LRRC37A2: variants seen among roughly 807,000 people sequenced by gnomAD.
LRRC37A2 encodes leucine rich repeat containing 37 member A2.
LRRC37A2 carries 9 observed loss-of-function variants against 68.8 expected under a neutral mutation model. The observed-to-expected ratio is 0.13, with a 90% CI of 0.08 to 0.23. The LOEUF (loss-of-function observed/expected upper bound fraction) is 0.23. Ranked by LOEUF, LRRC37A2 falls within the 10% of genes least tolerant of loss-of-function variation. The pLI, the probability that LRRC37A2 is intolerant of heterozygous loss-of-function variation, is 1.00. For missense variants in LRRC37A2, 168 were observed against 950.4 expected, an observed-to-expected ratio of 0.18 and a Z score of 10.82; for synonymous variants, 63 against 367.6, an observed-to-expected ratio of 0.17 and a Z score of 9.48.
chr17:47,015,328 A>G, the LRRC37A2 span, among the ~76,000 whole-genome samples: 1 of 152,156 alleles, frequency 6.6e-6, no homozygotes, highest in Non-Finnish European at 1.5e-5. Context: ...TCTTTTACAC[A>G]GTATTTTAAC....
chr17:46,773,675 G>C, the LRRC37A2 span: 2 of 1,583,264 alleles, frequency 1.3e-6, no homozygotes, highest in African/African-American at 2.9e-5. Flanking sequence ...TACCTTTGTC[G>C]AGGACGGGCC....
the LRRC37A2 span, chr17:46,728,940 A>G: frequency 3.9e-6 from 6 of 1,525,104 alleles, no homozygotes; most frequent in Non-Finnish European, 5.4e-6. Context: ...CTCAGGTAAA[A>G]TAATACTACT....
chr17:46,742,013 C>G, the LRRC37A2 span, among the ~76,000 whole-genome samples: 1 of 152,162 alleles, frequency 6.6e-6, no homozygotes, highest in South Asian at 2.1e-4. Flanking sequence ...CTCGGCCTCC[C>G]AAAGTGTTGA....
chr17:46,815,717 A>ACAG, the LRRC37A2 span, among the ~76,000 whole-genome samples: 1 of 152,168 alleles, frequency 6.6e-6, no homozygotes, highest in African/African-American at 2.4e-5. Flanking sequence ...GCCTGGACAG[A>ACAG]CAGGACAAGC....
the LRRC37A2 span, chr17:47,021,694 A>T: frequency 1.4e-6 from 1 of 723,744 alleles, no homozygotes; most frequent in Non-Finnish European, 2.3e-6. Context: ...TTTCTTGATG[A>T]ATTGTGCAAA....
the LRRC37A2 span, chr17:46,756,667 C>G: frequency 6.6e-6 from 1 of 152,618 alleles, no homozygotes; most frequent in Non-Finnish European, 1.5e-5. Context: ...GGGTCAATTC[C>G]TTAGTATAAT....
chr17:46,863,844 G>A, the LRRC37A2 span, among the ~76,000 whole-genome samples: 4 of 152,228 alleles, frequency 2.6e-5, no homozygotes, highest in African/African-American at 4.8e-5. Context: ...CAAGGGAGCC[G>A]CTCACAACTA....
At chr17:46,601,802 T>G in the LRRC37A2 span, among the ~76,000 whole-genome samples, 1 of 151,308 alleles carries the variant, frequency 6.6e-6, no homozygotes, top group South Asian at 2.1e-4. Context: ...GGGCGTACTT[T>G]CATTACCTTT....
At chr17:46,599,016 T>C in the LRRC37A2 span, among the ~76,000 whole-genome samples, 3 of 100,312 alleles carry the variant, frequency 3.0e-5, no homozygotes, top group African/African-American at 4.3e-5. Flanking sequence ...CTTTAAAGCA[T>C]CATTAGATAG....
the LRRC37A2 span, among the ~76,000 whole-genome samples, chr17:46,988,499 T>A: frequency 1.9e-3 from 284 of 152,328 alleles, 5 homozygotes; most frequent in East Asian, 0.036. Flanking sequence ...GTCATTTTTT[T>A]AAAAAGGCAA....
the LRRC37A2 span, among the ~76,000 whole-genome samples, chr17:46,959,655 C>T: frequency 6.6e-6 from 1 of 152,182 alleles, no homozygotes; most frequent in Admixed American, 6.5e-5. Context: ...GGATAGCAGT[C>T]CCCTTATGCT....
chr17:46,825,564 G>C, the LRRC37A2 span, among the ~76,000 whole-genome samples: 1 of 152,216 alleles, frequency 6.6e-6, no homozygotes, highest in African/African-American at 2.4e-5. Flanking sequence ...AATTTCACCT[G>C]GTCCATTTCT....
the LRRC37A2 span, among the ~76,000 whole-genome samples, chr17:46,813,749 G>A: frequency 6.6e-6 from 1 of 152,060 alleles, no homozygotes; most frequent in African/African-American, 2.4e-5. Context: ...CTGGCTCCTT[G>A]TCTCCTGCCC....
chr17:46,822,021 C>A, the LRRC37A2 span, among the ~76,000 whole-genome samples: 2 of 152,196 alleles, frequency 1.3e-5, no homozygotes, highest in East Asian at 1.9e-4. Flanking sequence ...AGGCGGGAGT[C>A]GGGAGCCGGA....
At chr17:46,496,701 G>A in the LRRC37A2 span, among the ~76,000 whole-genome samples, 1 of 134,458 alleles carries the variant, frequency 7.4e-6, no homozygotes, top group African/African-American at 2.9e-5. Context: ...AATCACCTGA[G>A]GTCGGGAGTT....
At chr17:46,768,921 A>G in the LRRC37A2 span, 1 of 1,435,580 alleles carries the variant, frequency 7.0e-7, no homozygotes, top group Non-Finnish European at 9.3e-7. The surrounding 1 kb of genome is among the most constrained non-coding windows in gnomAD (Gnocchi z 5.0). Context: ...CTGTGACAGG[A>G]AGAGAACTGA....
the LRRC37A2 span, among the ~76,000 whole-genome samples, chr17:47,044,038 T>C: frequency 1.1e-5 from 1 of 93,018 alleles, no homozygotes. Context: ...AGAGTGAGAC[T>C]CCATCTCAAA....
the LRRC37A2 span, among the ~76,000 whole-genome samples, chr17:46,657,428 C>T: frequency 1.3e-5 from 2 of 152,108 alleles, no homozygotes; most frequent in African/African-American, 4.8e-5. Context: ...TTGGATTTGT[C>T]ATTGAATGGC....
the LRRC37A2 span, among the ~76,000 whole-genome samples, chr17:46,747,679 T>C: frequency 4.6e-5 from 7 of 152,070 alleles, no homozygotes; most frequent in African/African-American, 1.7e-4. Flanking sequence ...AATAAGTTAG[T>C]GTAAAGGTTG....
Sources: allele counts gnomAD v4.1 joint callset (sites outside exome capture counted in the v4.1 genomes callset), GRCh38; gene constraint gnomAD v4.1.1; non-coding constraint Gnocchi (gnomAD v3.1); transcripts MANE v1.5; gene names NCBI Gene and HGNC (gene_info 2026-07-23, HGNC 2026-07-21).